IMMP2L: variants seen among roughly 807,000 people sequenced by gnomAD.
The protein encoded by IMMP2L is inner mitochondrial membrane peptidase subunit 2.
Under a neutral mutation model 19.3 loss-of-function variants are expected in IMMP2L, and 18 were observed. That is an observed-to-expected ratio of 0.93 (90% CI 0.64 to 1.38). The LOEUF is 1.38. Among genes scored for constraint, IMMP2L ranks in the 40% most tolerant of loss-of-function variants. IMMP2L has a pLI of 0.00. For missense variants in IMMP2L, 233 were observed against 218.2 expected, an observed-to-expected ratio of 1.07 and a Z score of -0.43; for synonymous variants, 76 against 73.0, an observed-to-expected ratio of 1.04 and a Z score of -0.21.
At chr7:110,808,620 G>A (rs1474180903) in intron 5 of IMMP2L, among the ~76,000 whole-genome samples, 1 of 152,014 alleles carries the variant, frequency 6.6e-6, no homozygotes, top group Non-Finnish European at 1.5e-5. Flanking sequence ...CAGTGCAGAT[G>A]GTTTTCTTTA....
chr7:110,905,197 T>C (rs534386124), intron 4 of IMMP2L, among the ~76,000 whole-genome samples: 2 of 152,268 alleles, frequency 1.3e-5, no homozygotes, highest in Admixed American at 1.3e-4. Flanking sequence ...GGTCAAATCA[T>C]TTCCAAGTCA....
chr7:111,173,302 T>A (rs1039387910), intron 3 of IMMP2L, among the ~76,000 whole-genome samples: 1 of 151,598 alleles, frequency 6.6e-6, no homozygotes, highest in African/African-American at 2.4e-5. Context: ...TCCTAAAAAG[T>A]GATTTCTTTA....
At chr7:111,302,683 A>T (rs1822399551) in intron 3 of IMMP2L, among the ~76,000 whole-genome samples, 1 of 152,140 alleles carries the variant, frequency 6.6e-6, no homozygotes, top group Non-Finnish European at 1.5e-5. Flanking sequence ...AAAGTAATGA[A>T]ATAAAGAATT....
At chr7:111,438,569 A>C (rs914298639) in intron 3 of IMMP2L, among the ~76,000 whole-genome samples, 7 of 151,920 alleles carry the variant, frequency 4.6e-5, no homozygotes, top group Non-Finnish European at 1.0e-4. Flanking sequence ...TAAACAATCT[A>C]CTTGATATTG....
intron 3 of IMMP2L, among the ~76,000 whole-genome samples, chr7:111,166,698 G>A (rs1164502782): frequency 1.3e-5 from 2 of 151,974 alleles, no homozygotes; most frequent in Non-Finnish European, 2.9e-5. Flanking sequence ...GTGTCATCGG[G>A]CTACATTTCC....
chr7:111,330,101 AAATG>A, intron 3 of IMMP2L, among the ~76,000 whole-genome samples: 1 of 151,890 alleles, frequency 6.6e-6, no homozygotes, highest in East Asian at 1.9e-4. Context: ...CTAAGTAGAG[AAATG>A]AATGACCAGA....
intron 4 of IMMP2L, among the ~76,000 whole-genome samples, chr7:110,944,562 C>A (rs765523980): frequency 8.6e-5 from 13 of 151,586 alleles, no homozygotes; most frequent in Non-Finnish European, 1.6e-4. Context: ...AGAGTATACA[C>A]TGAAAAATCT....
chr7:111,006,605 T>A (rs990779910), intron 3 of IMMP2L, among the ~76,000 whole-genome samples: 7 of 152,144 alleles, frequency 4.6e-5, no homozygotes, highest in Admixed American at 4.6e-4. Flanking sequence ...AACAATTTTA[T>A]CTAATGTCCC....
intron 5 of IMMP2L, among the ~76,000 whole-genome samples, chr7:110,830,733 C>T (rs1316302198): frequency 6.6e-6 from 1 of 152,116 alleles, no homozygotes; most frequent in Non-Finnish European, 1.5e-5. Context: ...CTCCTCTCCT[C>T]TTTTTCTTTT....
At chr7:111,217,968 G>A (rs1193623504) in intron 3 of IMMP2L, among the ~76,000 whole-genome samples, 1 of 151,972 alleles carries the variant, frequency 6.6e-6, no homozygotes, top group African/African-American at 2.4e-5. Context: ...GTATTTTCAT[G>A]TTCTTCACTT....
At chr7:110,848,306 G>A (rs1458065307) in intron 5 of IMMP2L, among the ~76,000 whole-genome samples, 1 of 152,090 alleles carries the variant, frequency 6.6e-6, no homozygotes, top group Non-Finnish European at 1.5e-5. Context: ...CATATGTAAA[G>A]ACGTCCAACA....
At chr7:111,044,243 C>T (rs182232574) in intron 3 of IMMP2L, among the ~76,000 whole-genome samples, 1 of 152,222 alleles carries the variant, frequency 6.6e-6, no homozygotes, top group Non-Finnish European at 1.5e-5. Context: ...TGCCTTTGAT[C>T]TCTAAGGACC....
intron 5 of IMMP2L, among the ~76,000 whole-genome samples, chr7:110,706,721 G>C (rs115544935): frequency 0.02 from 3,090 of 152,118 alleles, 99 homozygotes; most frequent in African/African-American, 0.069. Context: ...ATTTCCTTAA[G>C]TTCCTTATAG....
Position 110,714,066 on chromosome 7 carries a change from T to C in IMMP2L, c.409-50345A>G, listed in dbSNP as rs189651613. On this transcript the variant is annotated intron_variant, in intron 5 of 5. Transcript: ENST00000405709. ...CAGTATGATGCTGTCTGTGGGTCTGTCATAGATGGCTCATATTATTTTGAT... is the reference window on the plus strand; with the variant it reads ...CAGTATGATGCTGTCTGTGGGTCTGCCATAGATGGCTCATATTATTTTGAT... 9.8e-4 allele frequency among the ~76,000 whole-genome samples: 149 copies of C among 152,344 alleles called. 1 individual carries two copies. The highest frequency in any genetic ancestry group is 3.2e-3 in the African/African-American group (132 of 41,584).
At chr7:111,133,695 A>G (rs966801254) in intron 3 of IMMP2L, among the ~76,000 whole-genome samples, 9 of 152,066 alleles carry the variant, frequency 5.9e-5, no homozygotes, top group African/African-American at 1.9e-4. Flanking sequence ...CTAACTCCCT[A>G]TGTAGTCTAG....
At chr7:111,041,560 C>G (rs140673871) in intron 3 of IMMP2L, among the ~76,000 whole-genome samples, 1 of 151,266 alleles carries the variant, frequency 6.6e-6, no homozygotes, top group African/African-American at 2.4e-5. Flanking sequence ...TACGAGATAG[C>G]GTTTTCCTGA....
intron 3 of IMMP2L, among the ~76,000 whole-genome samples, chr7:111,429,102 T>G (rs1016579019): frequency 6.6e-6 from 1 of 151,804 alleles, no homozygotes; most frequent in South Asian, 2.1e-4. Context: ...TAAAAGAACA[T>G]GCAATCCTTT....
chr7:111,328,583 T>A (rs189525887), intron 3 of IMMP2L, among the ~76,000 whole-genome samples: 27 of 152,060 alleles, frequency 1.8e-4, no homozygotes, highest in African/African-American at 6.0e-4. Flanking sequence ...GGCTTAGAAT[T>A]AGTTATAAAA....
At chr7:110,693,946 G>C (rs1793689941) in intron 5 of IMMP2L, among the ~76,000 whole-genome samples, 1 of 152,162 alleles carries the variant, frequency 6.6e-6, no homozygotes, top group Admixed American at 6.5e-5. Context: ...CCATGTGTTG[G>C]TGATGGATGC....
Sources: gnomAD v4.1 joint callset for allele counts (sites outside exome capture counted in the v4.1 genomes callset) on GRCh38, gnomAD v4.1.1 for gene constraint, MANE v1.5 for transcripts, NCBI Gene and HGNC (gene_info 2026-07-23, HGNC 2026-07-21) for gene names.